Variants in CNTN5 observed in about 807,000 individuals in gnomAD.
The protein encoded by CNTN5 is contactin-5.
Under a neutral mutation model 129.1 loss-of-function variants are expected in CNTN5, and 77 were observed. The ratio of observed to expected loss-of-function variants is 0.60; its 90% CI spans 0.50 to 0.72. The LOEUF is 0.72. Among genes scored for constraint, CNTN5 ranks in the 30% least tolerant of loss-of-function variants. The pLI is 0.00. For missense variants in CNTN5, 1,478 were observed against 1,328.8 expected (o/e 1.11, Z -1.75); for synonymous variants, 509 against 465.6 (o/e 1.09, Z -1.20).
At chr11:100,252,689 G>A (rs964241010) in intron 16 of CNTN5, among the ~76,000 whole-genome samples, 1 of 151,992 alleles carries the variant, frequency 6.6e-6, no homozygotes, top group African/African-American at 2.4e-5. Flanking sequence ...CCCTAATGAG[G>A]TCTGATCTGA....
chr11:99,985,476 G>A (rs925794071), intron 8 of CNTN5, among the ~76,000 whole-genome samples: 1 of 152,100 alleles, frequency 6.6e-6, no homozygotes, highest in Non-Finnish European at 1.5e-5. Context: ...ATAGGCACAG[G>A]ATGATGGGTA....
intron 1 of CNTN5, among the ~76,000 whole-genome samples, chr11:99,222,657 A>C (rs1043919856): frequency 6.6e-6 from 1 of 152,180 alleles, no homozygotes; most frequent in African/African-American, 2.4e-5. Flanking sequence ...CAGTACTCAG[A>C]CAATTTGTAT....
intron 1 of CNTN5, among the ~76,000 whole-genome samples, chr11:99,087,358 A>C (rs971621511): frequency 2.0e-5 from 3 of 152,176 alleles, no homozygotes; most frequent in Admixed American, 6.5e-5. Context: ...AAAGAGTCAT[A>C]ATTTTTATAT....
chr11:99,293,999 T>C (rs1050185652), intron 1 of CNTN5, among the ~76,000 whole-genome samples: 2 of 152,036 alleles, frequency 1.3e-5, no homozygotes. Flanking sequence ...TTGATGAGCA[T>C]TGTTAGGCTG....
chr11:100,008,171 A>G (rs1342795676), intron 9 of CNTN5, among the ~76,000 whole-genome samples: 2 of 152,084 alleles, frequency 1.3e-5, no homozygotes, highest in Non-Finnish European at 2.9e-5. Flanking sequence ...TATAACAGAC[A>G]TAATAAAAAA....
At chr11:99,408,320 C>T (rs1054067374) in intron 2 of CNTN5, among the ~76,000 whole-genome samples, 1 of 148,710 alleles carries the variant, frequency 6.7e-6, no homozygotes, top group Non-Finnish European at 1.5e-5. Flanking sequence ...CCACCTCAGC[C>T]TTCTGAGTGG....
chr11:99,787,337 G>A (rs1429248829), intron 3 of CNTN5, among the ~76,000 whole-genome samples: 1 of 151,270 alleles, frequency 6.6e-6, no homozygotes, highest in Non-Finnish European at 1.5e-5. Context: ...CATGAAATTA[G>A]GACCTGTTCA....
chr11:99,112,280 G>A (rs925628353), intron 1 of CNTN5, among the ~76,000 whole-genome samples: 5 of 151,836 alleles, frequency 3.3e-5, no homozygotes, highest in African/African-American at 1.2e-4. Flanking sequence ...GTCTCCAATA[G>A]AAACTTCATA....
rs193204073 is a variant in CNTN5, at chr11:99,311,486, A to G, written c.-209-13860A>G. 3.9e-5 allele frequency among the ~76,000 whole-genome samples: 6 copies of G among 152,172 alleles called. No homozygotes were observed. In the East Asian group the frequency reaches 1.2e-3, roughly 29 times the overall value. The stretch of plus-strand genomic sequence containing the variant: ...TTTCCAGAGATTTCATTTTTGTTTA[A>G]TATTTTTCACCAGTTGTGGTTCTTT... On this transcript the variant is annotated intron_variant, in intron 1 of 24. Coordinates refer to ENST00000524871, the MANE Select transcript of CNTN5 (RefSeq NM_014361.4).
chr11:100,193,202 T>C (rs561139063), intron 14 of CNTN5, among the ~76,000 whole-genome samples: 7 of 152,050 alleles, frequency 4.6e-5, no homozygotes, highest in Non-Finnish European at 8.8e-5. Flanking sequence ...ATGTTCCTCC[T>C]TCCATAATGT....
chr11:99,460,406 C>T (rs981706854), intron 2 of CNTN5, among the ~76,000 whole-genome samples: 6 of 151,654 alleles, frequency 4.0e-5, no homozygotes, highest in African/African-American at 1.2e-4. Flanking sequence ...TTTTATGTGT[C>T]CAAACATTGT....
chr11:100,002,065 G>A lies in CNTN5; in HGVS notation c.909G>A (p.Glu303=), dbSNP rs1381250407. 6.3e-7 allele frequency: 1 copy of A among 1,598,136 alleles called. No homozygotes were observed. The highest frequency in any genetic ancestry group is 1.1e-5 in the South Asian group (1 of 87,562). Residue 303 remains glutamate (E), a synonymous_variant, in exon 9 of 25, where the codon GAG becomes GAA. Transcript: ENST00000524871. The part of the protein sequence containing the change: ...GVMGEYEPKI[E]VHFPFTVTAA... ...TGGGAGAATATGAGCCGAAAATTGA[G>A]GTCCATTTTCCTTTCACGGTTACAG...
intron 2 of CNTN5, among the ~76,000 whole-genome samples, chr11:99,355,813 T>G (rs934737676): frequency 1.4e-5 from 2 of 146,468 alleles, no homozygotes; most frequent in African/African-American, 5.2e-5. Context: ...CTGTCATGGT[T>G]TTTTTTTGTT....
At chr11:99,877,484 A>G (rs1366883307) in intron 6 of CNTN5, among the ~76,000 whole-genome samples, 2 of 152,202 alleles carry the variant, frequency 1.3e-5, no homozygotes, top group Non-Finnish European at 2.9e-5. Context: ...AGTGACAGAG[A>G]TAAGTCTCTT....
intron 1 of CNTN5, among the ~76,000 whole-genome samples, chr11:99,193,949 T>G (rs1366843693): frequency 6.6e-6 from 1 of 151,580 alleles, no homozygotes; most frequent in Non-Finnish European, 1.5e-5. Flanking sequence ...CAAGAAAATG[T>G]TTTAAATGAC....
chr11:99,112,884 C>CT (rs986027949), intron 1 of CNTN5, among the ~76,000 whole-genome samples: 20 of 151,780 alleles, frequency 1.3e-4, no homozygotes, highest in Admixed American at 2.0e-4. Flanking sequence ...TACTATCCCC[C>CT]TTTTTTTAAA....
At chr11:99,418,450 C>G (rs944675443) in intron 2 of CNTN5, among the ~76,000 whole-genome samples, 1 of 152,070 alleles carries the variant, frequency 6.6e-6, no homozygotes, top group Non-Finnish European at 1.5e-5. Context: ...GTGTTAAAAG[C>G]GCTCAAGTTC....
At chr11:99,508,465 G>A (rs539987970) in intron 2 of CNTN5, among the ~76,000 whole-genome samples, 46 of 152,244 alleles carry the variant, frequency 3.0e-4, no homozygotes, top group African/African-American at 1.1e-3. Flanking sequence ...CCGATGCAGA[G>A]CCACACATAC....
chr11:99,955,623 G>A (rs1950781734), intron 7 of CNTN5, among the ~76,000 whole-genome samples: 1 of 151,994 alleles, frequency 6.6e-6, no homozygotes, highest in Admixed American at 6.6e-5. Flanking sequence ...GCAGCGGCAT[G>A]ACCTCGGCTC....
Sources: allele counts gnomAD v4.1 joint callset (sites outside exome capture counted in the v4.1 genomes callset), GRCh38; gene constraint gnomAD v4.1.1; transcripts MANE v1.5; gene names NCBI Gene and HGNC (gene_info 2026-07-23, HGNC 2026-07-21).